Variants in MARCHF1 observed in about 807,000 individuals in gnomAD.
The protein encoded by MARCHF1 is E3 ubiquitin-protein ligase MARCHF1.
MARCHF1 carries 40 observed loss-of-function variants against 54.2 expected under a neutral mutation model. The observed-to-expected ratio is 0.74, with a 90% CI of 0.57 to 0.96. The LOEUF (loss-of-function observed/expected upper bound fraction) is 0.96, where lower values mean the gene tolerates loss of function less well. Ranked by LOEUF, MARCHF1 falls within the 40% of genes least tolerant of loss-of-function variation. The pLI is 0.00. For missense variants in MARCHF1, 586 were observed against 656.5 expected (o/e 0.89, Z 1.17); for synonymous variants, 236 against 236.3 (o/e 1.00, Z 0.01).
chr4:164,064,291 T>C (rs935263233), intron 2 of MARCHF1, among the ~76,000 whole-genome samples: 1 of 152,256 alleles, frequency 6.6e-6, no homozygotes, highest in Non-Finnish European at 1.5e-5. Context: ...GTCCCATCCA[T>C]GAACATGGAG....
At chr4:164,060,439 AAAG>A (rs1754590561) in intron 2 of MARCHF1, among the ~76,000 whole-genome samples, 1 of 152,254 alleles carries the variant, frequency 6.6e-6, no homozygotes, top group South Asian at 2.1e-4. Flanking sequence ...TTCATCAAAT[AAAG>A]AAGATTATAA....
chr4:164,348,457 C>T (rs1426152217), intron 1 of MARCHF1, among the ~76,000 whole-genome samples: 1 of 152,074 alleles, frequency 6.6e-6, no homozygotes, highest in East Asian at 1.9e-4. Flanking sequence ...GTTCCCTTGA[C>T]CTGGAAGTGC....
At chr4:164,320,905 G>A (rs574309010) in intron 1 of MARCHF1, among the ~76,000 whole-genome samples, 18 of 152,152 alleles carry the variant, frequency 1.2e-4, no homozygotes, top group Non-Finnish European at 2.1e-4. Flanking sequence ...CCAAGTCAAA[G>A]GCCAGATAAG....
chr4:163,718,277 G>T (rs889195637), intron 4 of MARCHF1, among the ~76,000 whole-genome samples: 2 of 152,052 alleles, frequency 1.3e-5, no homozygotes, highest in African/African-American at 4.8e-5. Context: ...CAAAAGCAAT[G>T]GCAACAAAAG....
chr4:164,146,490 T>G (rs899486217), intron 1 of MARCHF1, among the ~76,000 whole-genome samples: 1 of 152,070 alleles, frequency 6.6e-6, no homozygotes, highest in Non-Finnish European at 1.5e-5. Context: ...GATCAATGGA[T>G]CAGAACAGAG....
At chr4:164,021,253 T>G (rs1753657577) in intron 2 of MARCHF1, among the ~76,000 whole-genome samples, 1 of 152,096 alleles carries the variant, frequency 6.6e-6, no homozygotes, top group Admixed American at 6.6e-5. Context: ...AGTGGCTACT[T>G]TCCTCATCAA....
At chr4:163,669,272 C>T (rs1561008891) in intron 5 of MARCHF1, among the ~76,000 whole-genome samples, 1 of 152,078 alleles carries the variant, frequency 6.6e-6, no homozygotes, top group African/African-American at 2.4e-5. Context: ...AAGAGTGCTT[C>T]TCAGAAATAA....
chr4:163,738,017 G>A (rs1746095988), intron 4 of MARCHF1, among the ~76,000 whole-genome samples: 1 of 152,174 alleles, frequency 6.6e-6, no homozygotes, highest in African/African-American at 2.4e-5. Flanking sequence ...AAGCAGTTTA[G>A]GCTTCCTGGT....
intron 1 of MARCHF1, among the ~76,000 whole-genome samples, chr4:164,233,086 T>G (rs1285046793): frequency 1.3e-5 from 2 of 152,184 alleles, no homozygotes; most frequent in Admixed American, 1.3e-4. Context: ...GCATCTAAAG[T>G]AATACTTTTG....
At chr4:163,965,098 A>C (rs1401703259) in intron 3 of MARCHF1, among the ~76,000 whole-genome samples, 1 of 151,978 alleles carries the variant, frequency 6.6e-6, no homozygotes, top group Non-Finnish European at 1.5e-5. Flanking sequence ...GGTTCAAAAA[A>C]CTCAGATCTT....
At chr4:164,051,718 T>A (rs1377053259) in intron 2 of MARCHF1, among the ~76,000 whole-genome samples, 5 of 152,134 alleles carry the variant, frequency 3.3e-5, no homozygotes, top group African/African-American at 1.2e-4. Context: ...TCTAACTGAT[T>A]CCCTTGTCCA....
At chr4:163,732,525 C>A (rs1473931941) in intron 4 of MARCHF1, among the ~76,000 whole-genome samples, 1 of 152,018 alleles carries the variant, frequency 6.6e-6, no homozygotes, top group Non-Finnish European at 1.5e-5. Flanking sequence ...TCAATTAACT[C>A]TAAGTAGAAA....
chr4:164,107,167 A>T (rs1304790872), intron 2 of MARCHF1, among the ~76,000 whole-genome samples: 4 of 152,268 alleles, frequency 2.6e-5, no homozygotes, highest in South Asian at 2.1e-4. Flanking sequence ...TGATAAAAAA[A>T]TTATCTAATT....
intron 1 of MARCHF1, among the ~76,000 whole-genome samples, chr4:164,229,319 G>GCT (rs1732345214): frequency 6.6e-6 from 1 of 152,182 alleles, no homozygotes; most frequent in African/African-American, 2.4e-5. Flanking sequence ...TCCTTTGTGT[G>GCT]CTCTCTCTTT....
chr4:164,241,116 T>G (rs767763179), intron 1 of MARCHF1, among the ~76,000 whole-genome samples: 1 of 152,068 alleles, frequency 6.6e-6, no homozygotes, highest in Non-Finnish European at 1.5e-5. Context: ...CTGAGACCCA[T>G]GAATCGTACC....
intron 9 of MARCHF1, among the ~76,000 whole-genome samples, chr4:163,537,072 T>C (rs977504302): frequency 6.6e-6 from 1 of 152,158 alleles, no homozygotes; most frequent in African/African-American, 2.4e-5. Flanking sequence ...AGCCAGCTCT[T>C]TTTCTTGCCT....
At chr4:163,760,670 A>G (rs931166439) in intron 4 of MARCHF1, among the ~76,000 whole-genome samples, 1 of 152,210 alleles carries the variant, frequency 6.6e-6, no homozygotes, top group African/African-American at 2.4e-5. Context: ...GTATTATTAC[A>G]ATGTACAATT....
At chr4:163,961,100 A>G (rs1345021318) in intron 3 of MARCHF1, among the ~76,000 whole-genome samples, 1 of 151,844 alleles carries the variant, frequency 6.6e-6, no homozygotes, top group African/African-American at 2.4e-5. Context: ...TTTTCTCCCT[A>G]AAGAACCTCT....
rs148491037 is a variant in MARCHF1, at chr4:164,306,717, G to A, written c.-323+77153C>T. Among the ~76,000 whole-genome samples the A allele has an allele frequency of 6.3e-3, 958 of 152,180 alleles. 12 individuals carry two copies. Among genetic ancestry groups the A allele is most frequent in the African/African-American group, 0.02 (827 of 41,526 alleles). On this transcript the variant is annotated intron_variant, in intron 1 of 9. Coordinates refer to ENST00000514618, the MANE Select transcript of MARCHF1 (RefSeq NM_001394959.1). ...TGTGATTCAGCGCACATACAGAAAG[G>A]TTGCAAATTTTTAAAAAACTGGCTC...
Sources: gnomAD v4.1 joint callset for allele counts (sites outside exome capture counted in the v4.1 genomes callset) on GRCh38, gnomAD v4.1.1 for gene constraint, MANE v1.5 for transcripts, NCBI Gene and HGNC (gene_info 2026-07-23, HGNC 2026-07-21) for gene names.